The following EPB41L4B variants were observed in gnomAD, a reference collection of about 807,000 sequenced individuals.
EPB41L4B encodes erythrocyte membrane protein band 4.1 like 4B.
Under a neutral mutation model 112.5 loss-of-function variants are expected in EPB41L4B, and 30 were observed. The ratio of observed to expected loss-of-function variants is 0.27; its 90% CI spans 0.20 to 0.36. The LOEUF (loss-of-function observed/expected upper bound fraction) is 0.36, where lower values mean the gene tolerates loss of function less well. EPB41L4B is among the 10% of genes least tolerant of loss of function. The pLI is 1.00. For missense variants in EPB41L4B, 1,024 were observed against 1,133.3 expected (o/e 0.90, Z 1.38); for synonymous variants, 408 against 439.7 (o/e 0.93, Z 0.90).
chr9:109,255,863 T>G lies in EPB41L4B; in HGVS notation c.930-20A>C. On this transcript the variant is annotated intron_variant, in intron 9 of 25. Transcript: ENST00000374566. ...TTAGGCCTAGTCAGACAGAAAGCAT[T>G]TTAAAAGCACAATCTGCAGTAAAAC... is the stretch of plus-strand genomic sequence containing the variant. The G allele has an allele frequency of 1.2e-6, 2 of 1,607,572 alleles. No homozygotes were observed. Among genetic ancestry groups the G allele is most frequent in the Non-Finnish European group, 1.7e-6 (2 of 1,177,056 alleles).
rs1021938297 is a variant in EPB41L4B, at chr9:109,295,637, A to G, written c.307-15716T>C. Among the ~76,000 whole-genome samples, 41 of 152,324 alleles carry G rather than the reference A, an allele frequency of 2.7e-4. 1 individual carries two copies. The Middle Eastern group carries it at 0.027, about 101-fold the overall frequency. ...AGCAAACCTTCTGACCCTGAGACCAATACAATTTTCCTTCTTGGGACTATG... is the reference window on the plus strand; with the variant it reads ...AGCAAACCTTCTGACCCTGAGACCAGTACAATTTTCCTTCTTGGGACTATG... On this transcript the variant is annotated intron_variant, in intron 1 of 25. Transcript: ENST00000374566.
Position 109,216,879 on chromosome 9 carries a change from T to C in EPB41L4B, c.1633+43A>G, listed in dbSNP as rs531250541. The stretch of plus-strand genomic sequence containing the variant: ...TAGGGAACTCTCGTGCCCTGCAGCA[T>C]TGCTCCCCCTTCTCCTGCCTTGCCC... On this transcript the variant is annotated intron_variant, in intron 16 of 25. Transcript: ENST00000374566. 3.8e-6 allele frequency: 6 copies of C among 1,584,014 alleles called. No homozygotes were observed. The South Asian group carries it at 4.4e-5, about 12-fold the overall frequency.
chr9:109,223,896 G>A (rs1239819420), intron 15 of EPB41L4B, among the ~76,000 whole-genome samples: 1 of 152,102 alleles, frequency 6.6e-6, no homozygotes, highest in Non-Finnish European at 1.5e-5. Flanking sequence ...GTGGGCACCT[G>A]TAATCCCAGC....
chr9:109,236,959 T>C (rs1266850746), intron 15 of EPB41L4B, among the ~76,000 whole-genome samples: 2 of 152,186 alleles, frequency 1.3e-5, no homozygotes, highest in Admixed American at 6.5e-5. Flanking sequence ...GATTTACAAC[T>C]CTTAAGTTTG....
intron 1 of EPB41L4B, among the ~76,000 whole-genome samples, chr9:109,301,504 C>T (rs1279659075): frequency 6.6e-6 from 1 of 152,178 alleles, no homozygotes; most frequent in Non-Finnish European, 1.5e-5. Context: ...AGTCCCCTTC[C>T]TCGTCAATCC....
chr9:109,249,023 C>T (rs1334183746), intron 13 of EPB41L4B, among the ~76,000 whole-genome samples: 1 of 148,318 alleles, frequency 6.7e-6, no homozygotes, highest in African/African-American at 2.5e-5. Flanking sequence ...TGCGCCACTG[C>T]ACTCTAGCCT....
chr9:109,306,059 T>C (rs899862431), intron 1 of EPB41L4B, among the ~76,000 whole-genome samples: 1 of 152,192 alleles, frequency 6.6e-6, no homozygotes, highest in Non-Finnish European at 1.5e-5. Context: ...AGAAGTGGAC[T>C]TGAACAGCCT....
intron 17 of EPB41L4B, among the ~76,000 whole-genome samples, chr9:109,212,341 C>T (rs1056200665): frequency 2.0e-5 from 3 of 152,158 alleles, no homozygotes; most frequent in South Asian, 2.1e-4. Flanking sequence ...AGGGGGCACA[C>T]GGTGCATTGG....
At chr9:109,180,517 C>T (rs1008830329) in intron 24 of EPB41L4B, among the ~76,000 whole-genome samples, 3 of 152,200 alleles carry the variant, frequency 2.0e-5, no homozygotes. Context: ...TCTTAAAAGG[C>T]AGATGCTGGA....
intron 15 of EPB41L4B, among the ~76,000 whole-genome samples, chr9:109,218,643 C>G (rs1201359172): frequency 1.3e-5 from 2 of 151,958 alleles, no homozygotes; most frequent in Non-Finnish European, 2.9e-5. Flanking sequence ...CCAGTCTTGG[C>G]CCTTTCTCTT....
chr9:109,246,373 C>T (rs970377612), intron 14 of EPB41L4B, among the ~76,000 whole-genome samples: 2 of 152,132 alleles, frequency 1.3e-5, no homozygotes, highest in East Asian at 1.9e-4. Context: ...TTGCCCAGAC[C>T]GGTCTTGAAT....
chr9:109,176,799 A>G (rs1314853484), intron 24 of EPB41L4B, 103 bp from the exon 25 acceptor site: 22 of 1,287,834 alleles, frequency 1.7e-5, no homozygotes, highest in Non-Finnish European at 2.2e-5. Flanking sequence ...GTTCCTTTTC[A>G]CTACCAGCTA....
chr9:109,268,713 A>G (rs1835497980), intron 2 of EPB41L4B, among the ~76,000 whole-genome samples: 1 of 151,980 alleles, frequency 6.6e-6, no homozygotes, highest in Non-Finnish European at 1.5e-5. Context: ...CCTGGCTAAC[A>G]CGGTGAAACC....
At chr9:109,262,372 A>G (rs1215109298) in intron 6 of EPB41L4B, among the ~76,000 whole-genome samples, 1 of 152,062 alleles carries the variant, frequency 6.6e-6, no homozygotes, top group African/African-American at 2.4e-5. Context: ...GAATCATCTC[A>G]AACTCCTCCC....
chr9:109,276,274 C>A (rs1835820489), intron 2 of EPB41L4B, among the ~76,000 whole-genome samples: 2 of 150,762 alleles, frequency 1.3e-5, no homozygotes. Context: ...GTAGAAAAAA[C>A]ACTTTGAGAG....
intron 1 of EPB41L4B, among the ~76,000 whole-genome samples, chr9:109,307,789 C>A (rs556977569): frequency 4.3e-4 from 66 of 152,218 alleles, no homozygotes; most frequent in Non-Finnish European, 7.2e-4. Context: ...AGCCCCAGCT[C>A]TCATGTGCCA....
intron 1 of EPB41L4B, among the ~76,000 whole-genome samples, chr9:109,296,063 T>A (rs954676989): frequency 6.6e-6 from 1 of 152,002 alleles, no homozygotes; most frequent in African/African-American, 2.4e-5. Flanking sequence ...GATTGCAGAT[T>A]CCCCCTCCAT....
At chr9:109,204,648 C>T (rs10979744) in intron 18 of EPB41L4B, among the ~76,000 whole-genome samples, 13,216 of 152,052 alleles carry the variant, frequency 0.087, 882 homozygotes, top group African/African-American at 0.18. Context: ...CAAACCACAA[C>T]ACGCAGCTAA....
intron 16 of EPB41L4B, 141 bp downstream of exon 16, chr9:109,216,780 TG>T: frequency 1.2e-6 from 1 of 832,684 alleles, no homozygotes; most frequent in Non-Finnish European, 2.0e-6. Context: ...TTGTCTACTC[TG>T]GCCCAAACCC....
Sources: allele counts gnomAD v4.1 joint callset (sites outside exome capture counted in the v4.1 genomes callset), GRCh38; gene constraint gnomAD v4.1.1; transcripts MANE v1.5; gene names NCBI Gene and HGNC (gene_info 2026-07-23, HGNC 2026-07-21).